The following DLGAP2 variants were observed in gnomAD, a reference collection of about 807,000 sequenced individuals.
The protein encoded by DLGAP2 is DLG associated protein 2, also known as disks large-associated protein 2.
DLGAP2 carries 26 observed loss-of-function variants against 100.3 expected under a neutral mutation model. The ratio of observed to expected loss-of-function variants is 0.26; its 90% confidence interval spans 0.19 to 0.36. The LOEUF (loss-of-function observed/expected upper bound fraction) is 0.36, where lower values mean the gene tolerates loss of function less well. Ranked by LOEUF, DLGAP2 falls within the 10% of genes least tolerant of loss-of-function variation. DLGAP2 has a pLI of 1.00. For synonymous variants in DLGAP2, 886 were observed against 630.1 expected (o/e 1.41, Z -6.08); for missense variants, 1,858 against 1,453.2 (o/e 1.28, Z -4.53).
chr8:821,895 G>T (rs574598030), intron 1 of DLGAP2, among the ~76,000 whole-genome samples: 7 of 152,174 alleles, frequency 4.6e-5, no homozygotes, highest in Non-Finnish European at 1.0e-4. Flanking sequence ...GCCATTCCAC[G>T]GTCTGGTCTA....
At chr8:1,208,073 C>T (rs1003342409) in intron 2 of DLGAP2, among the ~76,000 whole-genome samples, 1 of 152,188 alleles carries the variant, frequency 6.6e-6, no homozygotes, top group Non-Finnish European at 1.5e-5. Context: ...TAGTTTAAGT[C>T]TCTTCTGTTT....
intron 2 of DLGAP2, among the ~76,000 whole-genome samples, chr8:1,038,344 G>C (rs1440834167): frequency 3.9e-5 from 6 of 152,088 alleles, no homozygotes; most frequent in African/African-American, 1.4e-4. Context: ...GAATGACTGT[G>C]GGAGCCTCTG....
intron 2 of DLGAP2, among the ~76,000 whole-genome samples, chr8:1,033,128 C>T (rs761577442): frequency 6.6e-6 from 1 of 152,096 alleles, no homozygotes; most frequent in South Asian, 2.1e-4. Context: ...TCCCCCCATC[C>T]CTCTCTGTCT....
chr8:956,242 G>A (rs1465585422), intron 2 of DLGAP2, among the ~76,000 whole-genome samples: 1 of 152,218 alleles, frequency 6.6e-6, no homozygotes, highest in Non-Finnish European at 1.5e-5. Flanking sequence ...CTTTTCCACT[G>A]TGCACAGCGT....
At chr8:1,076,836 AAG>A (rs1407341231) in intron 2 of DLGAP2, among the ~76,000 whole-genome samples, 1 of 147,860 alleles carries the variant, frequency 6.8e-6, no homozygotes, top group Admixed American at 6.7e-5. Flanking sequence ...CCCCAAGACC[AAG>A]AGGGGGAGGA....
intron 2 of DLGAP2, among the ~76,000 whole-genome samples, chr8:1,215,903 G>A (rs1188387936): frequency 6.8e-6 from 1 of 147,118 alleles, no homozygotes; most frequent in African/African-American, 2.6e-5. Context: ...GTTCATTTGG[G>A]TGCATTACCT....
chr8:1,322,466 A>G (rs932350472), intron 3 of DLGAP2, among the ~76,000 whole-genome samples: 6 of 151,746 alleles, frequency 4.0e-5, no homozygotes, highest in African/African-American at 4.8e-5. Flanking sequence ...AAATGCGTGC[A>G]CCCGCCCAGC....
intron 2 of DLGAP2, among the ~76,000 whole-genome samples, chr8:1,062,356 ACT>A (rs912795689): frequency 5.9e-5 from 9 of 152,134 alleles, no homozygotes; most frequent in African/African-American, 2.2e-4. Context: ...TCGGAGGCAC[ACT>A]CGGTCGTCTT....
intron 6 of DLGAP2, among the ~76,000 whole-genome samples, chr8:1,609,990 G>A (rs1322406845): frequency 2.0e-5 from 3 of 151,576 alleles, no homozygotes; most frequent in Non-Finnish European, 2.9e-5. Context: ...GAGACAGAAA[G>A]TTAACAAGGA....
At chr8:950,707 C>T (rs577816262) in intron 2 of DLGAP2, among the ~76,000 whole-genome samples, 28 of 151,074 alleles carry the variant, frequency 1.9e-4, no homozygotes, top group Admixed American at 1.5e-3. Context: ...CTGCAACCTC[C>T]GCCTCTCGGG....
At chr8:1,114,474 G>A (rs1403570012) in intron 2 of DLGAP2, among the ~76,000 whole-genome samples, 1 of 152,144 alleles carries the variant, frequency 6.6e-6, no homozygotes, top group Non-Finnish European at 1.5e-5. Flanking sequence ...AGGTTTTCTA[G>A]ATTGTGTGCA....
intron 1 of DLGAP2, among the ~76,000 whole-genome samples, chr8:779,816 C>G (rs1264757696): frequency 1.3e-5 from 2 of 152,004 alleles, no homozygotes; most frequent in East Asian, 3.9e-4. Context: ...TCCAGTCTTG[C>G]CTGCATTCCT....
intron 1 of DLGAP2, among the ~76,000 whole-genome samples, chr8:865,685 T>G (rs1797481212): frequency 6.6e-6 from 1 of 152,222 alleles, no homozygotes; most frequent in African/African-American, 2.4e-5. Flanking sequence ...GAATGGCCAC[T>G]CGCCCTCACA....
intron 5 of DLGAP2, among the ~76,000 whole-genome samples, chr8:1,563,907 T>TA (rs1802283930): frequency 1.3e-5 from 2 of 152,186 alleles, no homozygotes; most frequent in South Asian, 4.1e-4. Context: ...ATAAGTAGTA[T>TA]ACCTCAGTAG....
chr8:1,070,677 A>G (rs1451910296), intron 2 of DLGAP2, among the ~76,000 whole-genome samples: 1 of 152,036 alleles, frequency 6.6e-6, no homozygotes, highest in African/African-American at 2.4e-5. Flanking sequence ...AGACACAAAC[A>G]CTCACTCCCT....
intron 3 of DLGAP2, among the ~76,000 whole-genome samples, chr8:1,432,417 A>G (rs1227057205): frequency 6.6e-6 from 1 of 152,232 alleles, no homozygotes; most frequent in East Asian, 1.9e-4. Flanking sequence ...GGATTAGCCC[A>G]ACCAAGGAAG....
chr8:1,560,161 T>G (rs912321881), intron 5 of DLGAP2, among the ~76,000 whole-genome samples: 2 of 152,228 alleles, frequency 1.3e-5, no homozygotes, highest in Non-Finnish European at 2.9e-5. Flanking sequence ...AACCCTGTAA[T>G]CTTCATCTCC....
rs78966722 is a variant in DLGAP2, at chr8:1,319,158, G to C, written c.106+60275G>C. On this transcript the variant is annotated intron_variant, in intron 3 of 14. Coordinates refer to ENST00000637795, the MANE Select transcript of DLGAP2 (RefSeq NM_001346810.2). ...GGGATCTTGTGCTCGCTGCCTCCCT[G>C]CAGTGCCTGGGGCCCCCATGGCTCC... Among the ~76,000 whole-genome samples, 528 of 152,282 alleles carry C rather than the reference G, an allele frequency of 3.5e-3. 16 individuals carry two copies. The East Asian group carries it at 0.063, about 18-fold the overall frequency.
intron 3 of DLGAP2, among the ~76,000 whole-genome samples, chr8:1,448,326 G>A (rs1220201014): frequency 6.6e-6 from 1 of 152,072 alleles, no homozygotes; most frequent in East Asian, 1.9e-4. Context: ...CTTTATTTCT[G>A]CCTTCATTTT....
Sources: allele counts gnomAD v4.1 joint callset (sites outside exome capture counted in the v4.1 genomes callset), GRCh38; gene constraint gnomAD v4.1.1; transcripts MANE v1.5; gene names NCBI Gene and HGNC (gene_info 2026-07-23, HGNC 2026-07-21).